TSHZ3: variants seen among roughly 807,000 people sequenced by gnomAD.
TSHZ3 encodes the protein teashirt zinc finger homeobox 3, also known as teashirt homolog 3.
In TSHZ3, 10 loss-of-function variants were observed where a neutral mutation model predicts 64.5. The observed-to-expected ratio is 0.16, with a 90% CI of 0.10 to 0.26. The LOEUF (loss-of-function observed/expected upper bound fraction) is 0.26. Ranked by LOEUF, TSHZ3 falls within the 10% of genes least tolerant of loss-of-function variation. TSHZ3 has a pLI of 1.00. For synonymous variants in TSHZ3, 608 were observed against 593.1 expected, an observed-to-expected ratio of 1.03 and a Z score of -0.36; for missense variants, 1,242 against 1,421.7, an observed-to-expected ratio of 0.87 and a Z score of 2.03.
intron 1 of TSHZ3, among the ~76,000 whole-genome samples, chr19:31,334,044 T>C (rs1047024507): frequency 1.3e-5 from 2 of 152,198 alleles, no homozygotes; most frequent in Non-Finnish European, 2.9e-5. Flanking sequence ...AGGGCTCATG[T>C]TGCACGGCTC....
downstream of TSHZ3, among the ~76,000 whole-genome samples, chr19:31,270,569 C>G (rs1335476288): frequency 6.6e-6 from 1 of 152,196 alleles, no homozygotes; most frequent in Non-Finnish European, 1.5e-5. Context: ...CCCACTTCAG[C>G]CTCCCAAAGG....
intron 5 of TSHZ3, among the ~76,000 whole-genome samples, chr19:31,160,160 T>C (rs964262118): frequency 6.6e-5 from 10 of 152,186 alleles, no homozygotes; most frequent in African/African-American, 2.4e-4. Context: ...CTTTATGTAT[T>C]GCAAGTAAAG....
Position 31,349,333 on chromosome 19 carries a change from C to T in TSHZ3, c.-114G>A. 1.9e-6 allele frequency: 2 copies of T among 1,045,382 alleles called. No homozygotes were observed. The highest frequency in any genetic ancestry group is 4.1e-5 in the Admixed American group (1 of 24,156). The allele number at this position is 1,045,382 out of a possible 1,614,324, so 64.8% of individuals were successfully genotyped here. A position where few individuals can be genotyped will look rare whatever the true frequency, so the allele number is the denominator to read the frequency against. ...GCGAGGCGGGCCTGCTCTCAGCCTCCCCCCCGGAGAGCGGCCGCCCGCAGG... is the reference window on the plus strand; with the variant it reads ...GCGAGGCGGGCCTGCTCTCAGCCTCTCCCCCGGAGAGCGGCCGCCCGCAGG... On this transcript the variant is annotated 5_prime_UTR_variant, in exon 1 of 2. Coordinates refer to ENST00000240587, the MANE Select transcript of TSHZ3 (RefSeq NM_020856.4).
chr19:31,166,894 A>C (rs1320198739), intron 5 of TSHZ3, among the ~76,000 whole-genome samples: 2 of 152,232 alleles, frequency 1.3e-5, no homozygotes. Context: ...AGCCTGGCAA[A>C]GGTAGATGAC....
At chr19:31,243,717 G>A (rs964537610) in intron 1 of TSHZ3, among the ~76,000 whole-genome samples, 1 of 152,126 alleles carries the variant, frequency 6.6e-6, no homozygotes, top group Non-Finnish European at 1.5e-5. Context: ...AGATGATATG[G>A]GGGAGCAGCG....
chr19:31,315,628 T>C (rs1916578866), intron 1 of TSHZ3, among the ~76,000 whole-genome samples: 1 of 152,112 alleles, frequency 6.6e-6, no homozygotes, highest in African/African-American at 2.4e-5. Flanking sequence ...GGAATTATGA[T>C]AAACAGAAAT....
intron 1 of TSHZ3, among the ~76,000 whole-genome samples, chr19:31,342,169 G>A (rs537769350): frequency 7.4e-4 from 113 of 152,258 alleles, no homozygotes; most frequent in African/African-American, 2.7e-3. Context: ...ACAGAACTTC[G>A]TATCATTCCA....
At chr19:31,169,627 A>G (rs1044790439) in intron 5 of TSHZ3, among the ~76,000 whole-genome samples, 10 of 152,120 alleles carry the variant, frequency 6.6e-5, no homozygotes, top group Non-Finnish European at 1.3e-4. Context: ...ATTTCTTATT[A>G]TGTGTGTTCT....
intron 5 of TSHZ3, among the ~76,000 whole-genome samples, chr19:31,187,215 T>C (rs908251952): frequency 6.6e-6 from 1 of 152,156 alleles, no homozygotes; most frequent in African/African-American, 2.4e-5. Context: ...CACCATATTA[T>C]AGTTTTTTTA....
chr19:31,268,352 T>C (rs189017705), intron 1 of TSHZ3, among the ~76,000 whole-genome samples: 107 of 152,228 alleles, frequency 7.0e-4, no homozygotes, highest in Admixed American at 1.4e-3. Context: ...GTGCCTCTCA[T>C]GAAACCAGAG....
rs138366268 is a variant in TSHZ3 at position 31,215,675 on chromosome 19, A to T, written n.687-10597T>A. 7.1e-3 allele frequency among the ~76,000 whole-genome samples: 1,086 copies of T among 152,348 alleles called. 5 individuals are homozygous for T. The highest frequency in any genetic ancestry group is 0.019 in the South Asian group (93 of 4,830). On this transcript the variant is annotated intron_variant and non_coding_transcript_variant, in intron 4 of 6. Transcript: ENST00000651361. ...ATCACGAGGTTAGGAGTTCAAGACC[A>T]GCCTGACCAACATGGTGAAACCCTG...
At chr19:31,290,420 T>A (rs1038107898) in intron 1 of TSHZ3, among the ~76,000 whole-genome samples, 2 of 151,660 alleles carry the variant, frequency 1.3e-5, no homozygotes, top group Admixed American at 1.3e-4. Flanking sequence ...TGGGATGGAA[T>A]GGAGGGGGCT....
intron 5 of TSHZ3, among the ~76,000 whole-genome samples, chr19:31,194,580 A>G (rs927891798): frequency 6.6e-6 from 1 of 152,206 alleles, no homozygotes; most frequent in Admixed American, 6.5e-5. Context: ...TCACAGGTCT[A>G]GAGAATGCAC....
chr19:31,319,995 G>A (rs1468415998), intron 1 of TSHZ3, among the ~76,000 whole-genome samples: 1 of 152,026 alleles, frequency 6.6e-6, no homozygotes, highest in East Asian at 1.9e-4. Flanking sequence ...GGACGTAACC[G>A]CTACAGCCTG....
At chr19:31,225,909 T>C (rs1303136952) in intron 4 of TSHZ3, among the ~76,000 whole-genome samples, 2 of 152,146 alleles carry the variant, frequency 1.3e-5, no homozygotes, top group African/African-American at 4.8e-5. Flanking sequence ...GGTGGATTGC[T>C]TGAGGACAGG....
At chr19:31,263,392 G>A (rs1355313699) in intron 1 of TSHZ3, among the ~76,000 whole-genome samples, 1 of 152,200 alleles carries the variant, frequency 6.6e-6, no homozygotes, top group African/African-American at 2.4e-5. Flanking sequence ...AGATGTGACA[G>A]CAGCCCCTCT....
At chr19:31,187,667 T>C (rs2145134266) in intron 5 of TSHZ3, among the ~76,000 whole-genome samples, 1 of 152,240 alleles carries the variant, frequency 6.6e-6, no homozygotes, top group South Asian at 2.1e-4. Context: ...GGTATATCTG[T>C]TTTTTAAAGC....
chr19:31,223,523 C>G (rs1431374694), intron 4 of TSHZ3, among the ~76,000 whole-genome samples: 1 of 151,942 alleles, frequency 6.6e-6, no homozygotes, highest in Non-Finnish European at 1.5e-5. Flanking sequence ...TTGAAAAACT[C>G]CAGTACAAGT....
intron 5 of TSHZ3, among the ~76,000 whole-genome samples, chr19:31,185,115 AC>A (rs1974783559): frequency 1.3e-5 from 2 of 149,620 alleles, no homozygotes; most frequent in African/African-American, 4.9e-5. Flanking sequence ...AAAAAAAAAA[AC>A]ACAAGGGGAA....
Sources: gnomAD v4.1 joint callset for allele counts (sites outside exome capture counted in the v4.1 genomes callset) on GRCh38, gnomAD v4.1.1 for gene constraint, MANE v1.5 for transcripts, NCBI Gene and HGNC (gene_info 2026-07-23, HGNC 2026-07-21) for gene names.